Variants in GRIK2 observed in about 807,000 individuals in gnomAD.
The protein encoded by GRIK2 is glutamate receptor ionotropic, kainate 2.
Under a neutral mutation model 100.3 loss-of-function variants are expected in GRIK2, and 32 were observed. The ratio of observed to expected loss-of-function variants is 0.32; its 90% CI spans 0.24 to 0.43. The LOEUF is 0.43. Ranked by LOEUF, GRIK2 falls within the 20% of genes least tolerant of loss-of-function variation. GRIK2 has a pLI of 1.00. For missense variants in GRIK2, 843 were observed against 1,114.9 expected (o/e 0.76, Z 3.47); for synonymous variants, 417 against 389.4 (o/e 1.07, Z -0.83).
In GRIK2 at chr6:101,926,195, G is replaced by GTT. The variant is rs35007201; in HGVS notation, c.1867+1499_1867+1500dup. Among the ~76,000 whole-genome samples the GTT allele has an allele frequency of 3.0e-3, 381 of 127,428 alleles. 1 individual carries two copies. Among genetic ancestry groups the GTT allele is most frequent in the African/African-American group, 1.0e-2 (332 of 33,336 alleles). 83.6% of individuals were successfully genotyped at this position (127,428 alleles called of 152,430 possible). On this transcript the variant is annotated intron_variant, in intron 13 of 16. Transcript: ENST00000369134. ...ATTTTCTTACATTTTGGGTCCAAGG[G>GTT]TTTTTTTTTTTTTTTTTTTTTTTTC...
At chr6:101,587,997 G>T (rs1419359022) in intron 2 of GRIK2, among the ~76,000 whole-genome samples, 2 of 152,058 alleles carry the variant, frequency 1.3e-5, no homozygotes, top group Non-Finnish European at 2.9e-5. Flanking sequence ...CTTTGGGGCA[G>T]CTAAAATAAA....
At chr6:101,936,370 G>A (rs941968841) in intron 14 of GRIK2, among the ~76,000 whole-genome samples, 4 of 151,946 alleles carry the variant, frequency 2.6e-5, no homozygotes, top group African/African-American at 4.8e-5. Context: ...ATTAGATTAC[G>A]TGGTAGTATT....
At chr6:101,831,515 TCAGACAATGA>T (rs1360451146) in intron 10 of GRIK2, among the ~76,000 whole-genome samples, 2 of 152,130 alleles carry the variant, frequency 1.3e-5, no homozygotes, top group Non-Finnish European at 2.9e-5. Flanking sequence ...AAAGATGGAC[TCAGACAATGA>T]CAAGAAGGTT....
chr6:101,933,467 A>G (rs1037835143), intron 14 of GRIK2, among the ~76,000 whole-genome samples: 2 of 151,990 alleles, frequency 1.3e-5, no homozygotes, highest in Non-Finnish European at 2.9e-5. Context: ...TTTTGGCTAA[A>G]TCCAAAAGAT....
At chr6:101,836,958 C>T (rs1480083343) in intron 10 of GRIK2, among the ~76,000 whole-genome samples, 1 of 152,052 alleles carries the variant, frequency 6.6e-6, no homozygotes, top group East Asian at 1.9e-4. Context: ...GCCACCATGC[C>T]TGGCCTGTTG....
intron 2 of GRIK2, among the ~76,000 whole-genome samples, chr6:101,422,435 T>C (rs141484963): frequency 1.3e-5 from 2 of 152,204 alleles, no homozygotes; most frequent in Non-Finnish European, 2.9e-5. Flanking sequence ...TCACTACACA[T>C]TACAGCACTT....
chr6:101,427,094 A>G (rs960526519), intron 2 of GRIK2, among the ~76,000 whole-genome samples: 1 of 152,168 alleles, frequency 6.6e-6, no homozygotes, highest in Non-Finnish European at 1.5e-5. Flanking sequence ...TGGAGCTTGG[A>G]TGGCAGGAAG....
intron 7 of GRIK2, among the ~76,000 whole-genome samples, chr6:101,748,442 A>T (rs192678776): frequency 2.1e-4 from 32 of 152,286 alleles, no homozygotes; most frequent in African/African-American, 7.5e-4. Flanking sequence ...AAAGACATTA[A>T]AAAGGACATT....
intron 2 of GRIK2, among the ~76,000 whole-genome samples, chr6:101,403,514 AC>A (rs1775437609): frequency 6.6e-6 from 1 of 152,186 alleles, no homozygotes. Flanking sequence ...AGTTTAAGGG[AC>A]CACCTATACG....
rs1168756768 is a variant in GRIK2 at position 102,028,967 on chromosome 6, T to G, written c.2086-6374T>G. Among the ~76,000 whole-genome samples the G allele has an allele frequency of 4.0e-5, 6 of 151,334 alleles. No individual in the cohort carries two copies. In the East Asian group the frequency reaches 1.2e-3, roughly 29 times the overall value. Reference sequence around the variant, plus strand: ...ATTTGTTGTTACCTCAATTATTTGCTAATAGAAAATTATTTTATGATGTGC... The same window carrying G: ...ATTTGTTGTTACCTCAATTATTTGCGAATAGAAAATTATTTTATGATGTGC... On this transcript the variant is annotated intron_variant, in intron 14 of 16. Transcript: ENST00000369134.
chr6:102,057,734 C>T (rs1385584611), intron 16 of GRIK2, among the ~76,000 whole-genome samples: 1 of 151,864 alleles, frequency 6.6e-6, no homozygotes, highest in African/African-American at 2.4e-5. Context: ...GTAGCTTTAT[C>T]TTTTGCTCCT....
chr6:101,980,547 A>G (rs1292229966), intron 14 of GRIK2, among the ~76,000 whole-genome samples: 1 of 151,962 alleles, frequency 6.6e-6, no homozygotes, highest in Non-Finnish European at 1.5e-5. Flanking sequence ...TCTTTAAACT[A>G]TTAGTAAGTC....
intron 14 of GRIK2, among the ~76,000 whole-genome samples, chr6:101,988,114 TGTGTGTGTGTGTGTGTGTGC>T (rs1299314359): frequency 9.0e-5 from 4 of 44,558 alleles, no homozygotes; most frequent in South Asian, 8.8e-4. Flanking sequence ...TGTGTGTGTG[TGTGTGTGTGTGTGTGTGTGC>T]GCGCGCGCGC....
chr6:101,923,984 G>C (rs1257759552), intron 12 of GRIK2, among the ~76,000 whole-genome samples: 3 of 150,330 alleles, frequency 2.0e-5, no homozygotes, highest in African/African-American at 7.3e-5. Context: ...ATGCTGATTG[G>C]CATGTTCTCT....
chr6:102,006,557 A>G (rs866277942), intron 14 of GRIK2, among the ~76,000 whole-genome samples: 17 of 151,658 alleles, frequency 1.1e-4, no homozygotes, highest in Middle Eastern at 3.4e-3. Context: ...TTATAGAGAC[A>G]GGGTTTCGCC....
At chr6:101,541,409 C>CACACAT (rs1775987868) in intron 2 of GRIK2, among the ~76,000 whole-genome samples, 3 of 114,678 alleles carry the variant, frequency 2.6e-5, no homozygotes, top group Non-Finnish European at 6.0e-5. Context: ...CACACACACA[C>CACACAT]ACACACACAT....
intron 7 of GRIK2, among the ~76,000 whole-genome samples, chr6:101,691,568 G>T (rs996161536): frequency 1.3e-5 from 2 of 152,018 alleles, no homozygotes; most frequent in Non-Finnish European, 2.9e-5. Context: ...AAAGTGCTGG[G>T]ATTATTTATA....
intron 14 of GRIK2, among the ~76,000 whole-genome samples, chr6:101,933,358 T>A (rs1179254235): frequency 6.6e-6 from 1 of 151,906 alleles, no homozygotes. Context: ...TCCTTGCTGT[T>A]GTACTGATTA....
chr6:101,777,601 T>A (rs949104718), intron 7 of GRIK2, among the ~76,000 whole-genome samples: 4 of 152,332 alleles, frequency 2.6e-5, no homozygotes, highest in African/African-American at 7.2e-5. Flanking sequence ...GGATTTTTTT[T>A]TATTATTTTC....
Sources: gnomAD v4.1 joint callset for allele counts (sites outside exome capture counted in the v4.1 genomes callset) on GRCh38, gnomAD v4.1.1 for gene constraint, MANE v1.5 for transcripts, NCBI Gene and HGNC (gene_info 2026-07-23, HGNC 2026-07-21) for gene names.